ARHGEF3: variants seen among roughly 807,000 people sequenced by gnomAD.
ARHGEF3 encodes 59.8 kDA protein.
ARHGEF3 carries 28 observed loss-of-function variants against 63.2 expected under a neutral mutation model. That is an observed-to-expected ratio of 0.44 (90% CI 0.33 to 0.61). The LOEUF is 0.61. Ranked by LOEUF, ARHGEF3 falls within the 20% of genes least tolerant of loss-of-function variation. ARHGEF3 has a pLI of 0.03. For missense variants in ARHGEF3, 533 were observed against 659.3 expected (o/e 0.81, Z 2.10); for synonymous variants, 266 against 254.2 (o/e 1.05, Z -0.44).
At chr3:57,011,713 T>A (rs1267751891) in intron 2 of ARHGEF3, among the ~76,000 whole-genome samples, 3 of 152,206 alleles carry the variant, frequency 2.0e-5, no homozygotes, top group Admixed American at 6.5e-5. Context: ...CTTATTTACC[T>A]GCTGTGTGAC....
intron 2 of ARHGEF3, among the ~76,000 whole-genome samples, chr3:56,763,259 C>T (rs914150360): frequency 1.3e-5 from 2 of 152,156 alleles, no homozygotes; most frequent in African/African-American, 2.4e-5. Context: ...CCCTGGCACT[C>T]GGTCAGCAGG....
intron 1 of ARHGEF3, chr3:57,074,549 T>C: frequency 2.5e-6 from 1 of 406,088 alleles, no homozygotes; most frequent in Non-Finnish European, 4.6e-6. Flanking sequence ...CTGTATTAAA[T>C]GACATCAATT....
chr3:56,753,286 A>G (rs2034882952), intron 4 of ARHGEF3, among the ~76,000 whole-genome samples: 1 of 152,208 alleles, frequency 6.6e-6, no homozygotes, highest in African/African-American at 2.4e-5. Context: ...ATTCTTTGAC[A>G]TGCATTAGAG....
intron 2 of ARHGEF3, among the ~76,000 whole-genome samples, chr3:56,968,203 TAA>T (rs1421529335): frequency 4.0e-3 from 77 of 19,180 alleles, no homozygotes; most frequent in African/African-American, 8.2e-3. Context: ...ATATAATATA[TAA>T]AAATATATAT....
intron 2 of ARHGEF3, among the ~76,000 whole-genome samples, chr3:56,964,579 T>G (rs1378397791): frequency 6.6e-6 from 1 of 152,126 alleles, no homozygotes; most frequent in East Asian, 1.9e-4. Flanking sequence ...TGCCAGACAT[T>G]AGAGATCAGC....
chr3:57,002,358 A>C (rs1175840722), intron 2 of ARHGEF3, among the ~76,000 whole-genome samples: 1 of 147,954 alleles, frequency 6.8e-6, no homozygotes, highest in Non-Finnish European at 1.5e-5. Flanking sequence ...TAAGGGTAGA[A>C]TAATGGTAAT....
intron 2 of ARHGEF3, among the ~76,000 whole-genome samples, chr3:56,771,716 C>G (rs1356190776): frequency 6.6e-6 from 1 of 152,170 alleles, no homozygotes; most frequent in African/African-American, 2.4e-5. Context: ...TCACTCAACA[C>G]TGACTGAATG....
intron 1 of ARHGEF3, among the ~76,000 whole-genome samples, chr3:57,056,957 C>A (rs937742322): frequency 1.3e-5 from 2 of 151,794 alleles, no homozygotes; most frequent in Non-Finnish European, 2.9e-5. Context: ...ACCCCACACA[C>A]CCCTGCCCCC....
At chr3:57,078,362 C>G (rs62250330) in intron 1 of ARHGEF3, among the ~76,000 whole-genome samples, 1 of 152,188 alleles carries the variant, frequency 6.6e-6, no homozygotes, top group African/African-American at 2.4e-5. Flanking sequence ...GTGCGGGAAG[C>G]AAGCCTGGGC....
intron 3 of ARHGEF3, among the ~76,000 whole-genome samples, chr3:56,954,593 A>C (rs923349496): frequency 6.6e-6 from 1 of 152,090 alleles, no homozygotes; most frequent in African/African-American, 2.4e-5. Context: ...TGCAGCACCT[A>C]TGGGTCTGGT....
At chr3:56,850,057 G>C (rs2039624060) in intron 4 of ARHGEF3, among the ~76,000 whole-genome samples, 1 of 151,880 alleles carries the variant, frequency 6.6e-6, no homozygotes, top group African/African-American at 2.4e-5. Context: ...CCCCTCACCA[G>C]TAACACACAG....
At chr3:57,004,971 AAT>A (rs142618755) in intron 2 of ARHGEF3, among the ~76,000 whole-genome samples, 218 of 147,968 alleles carry the variant, frequency 1.5e-3, no homozygotes, top group Admixed American at 7.5e-3. Flanking sequence ...AAAATAAATA[AAT>A]ATATATATAT....
chr3:57,054,624 G>C (rs569041767), intron 1 of ARHGEF3, among the ~76,000 whole-genome samples: 1 of 149,828 alleles, frequency 6.7e-6, no homozygotes, highest in Non-Finnish European at 1.5e-5. Context: ...GGGTGACAGA[G>C]TGAGACCCCA....
At chr3:57,053,236 G>C (rs528658501) in intron 1 of ARHGEF3, among the ~76,000 whole-genome samples, 1 of 152,308 alleles carries the variant, frequency 6.6e-6, no homozygotes, top group East Asian at 1.9e-4. Flanking sequence ...GATTGTGCCA[G>C]GGACGGGTGA....
chr3:56,813,231 C>A (rs1054110852), intron 4 of ARHGEF3, among the ~76,000 whole-genome samples: 3 of 152,282 alleles, frequency 2.0e-5, no homozygotes, highest in African/African-American at 7.2e-5. Flanking sequence ...CAGATAGAAC[C>A]ACTTTCTTTA....
chr3:57,073,963 T>C, intron 1 of ARHGEF3: 2 of 1,614,228 alleles, frequency 1.2e-6, no homozygotes, highest in Non-Finnish European at 1.7e-6. Context: ...CAAGCAGCCA[T>C]CTCTCTTGAC....
chr3:56,797,937 G>A (rs1182351235), intron 1 of ARHGEF3, among the ~76,000 whole-genome samples: 1 of 152,204 alleles, frequency 6.6e-6, no homozygotes, highest in East Asian at 1.9e-4. Flanking sequence ...GAATCCATCA[G>A]GAAATTTGAC....
chr3:56,771,343 G>A (rs1332415699), intron 2 of ARHGEF3, among the ~76,000 whole-genome samples: 1 of 152,160 alleles, frequency 6.6e-6, no homozygotes, highest in African/African-American at 2.4e-5. Context: ...CCCAGAAACA[G>A]AAGAAAGAAA....
At chr3:56,993,640 G>T (rs570665942) in intron 2 of ARHGEF3, among the ~76,000 whole-genome samples, 1 of 152,096 alleles carries the variant, frequency 6.6e-6, no homozygotes, top group Admixed American at 6.5e-5. Flanking sequence ...CTCCCAAAGT[G>T]CTGGGATTAC....
Sources: gnomAD v4.1 joint callset for allele counts (sites outside exome capture counted in the v4.1 genomes callset) on GRCh38, gnomAD v4.1.1 for gene constraint, MANE v1.5 for transcripts, NCBI Gene and HGNC (gene_info 2026-07-23, HGNC 2026-07-21) for gene names.